The following RBFOX3 variants were observed in gnomAD, a reference collection of about 807,000 sequenced individuals.
RBFOX3 encodes RNA binding protein fox-1 homolog 3.
A neutral mutation model predicts 48.7 loss-of-function variants in RBFOX3; 17 were observed. That is an observed-to-expected ratio of 0.35 (90% CI 0.24 to 0.52). The LOEUF (loss-of-function observed/expected upper bound fraction) is 0.52. Among genes scored for constraint, RBFOX3 ranks in the 20% least tolerant of loss-of-function variants. RBFOX3 has a pLI of 0.94. For missense variants in RBFOX3, 382 were observed against 497.5 expected, an observed-to-expected ratio of 0.77 and a Z score of 2.21; for synonymous variants, 212 against 209.5, an observed-to-expected ratio of 1.01 and a Z score of -0.10.
chr17:79,407,975 G>A (rs995524327), intron 2 of RBFOX3, among the ~76,000 whole-genome samples: 1 of 152,204 alleles, frequency 6.6e-6, no homozygotes, highest in Non-Finnish European at 1.5e-5. Context: ...GAGCTGTGTC[G>A]AGCACGGAAC....
At chr17:79,656,681 G>GAA in the RBFOX3 span, among the ~76,000 whole-genome samples, 1,976 of 51,932 alleles carry the variant, frequency 0.038, 33 homozygotes, top group Middle Eastern at 0.078. Flanking sequence ...AAGAAGGAAG[G>GAA]AGGGAAGGAA....
intron 2 of RBFOX3, among the ~76,000 whole-genome samples, chr17:79,412,458 T>C (rs111174323): frequency 0.11 from 17,143 of 151,914 alleles, 1,033 homozygotes; most frequent in Non-Finnish European, 0.13. Context: ...GAGCGTATTG[T>C]GTATGTGTGT....
At chr17:79,229,230 CAAAAAAAAAAAAAAAAAAAAA>C (rs59934894) in intron 4 of RBFOX3, among the ~76,000 whole-genome samples, 5 of 33,714 alleles carry the variant, frequency 1.5e-4, no homozygotes, top group Non-Finnish European at 1.8e-4. Context: ...GAGACTCTGT[CAAAAAAAAAAAAAAAAAAAAA>C]AAAAAAAAAA....
chr17:79,115,551 G>C lies in RBFOX3; in HGVS notation c.165C>G (p.Pro55=). ...TGCTGGCCTCGGAGCCTGGCTGCTC[G>C]GGGTGGGTCTGTGCTGGTGTGTACA... ...MTLYTPAQTH[P]EQPGSEASTQ... is the part of the protein sequence containing the mutation. The change falls in exon 5 of 15, where the codon CCC becomes CCG. Residue 55 remains proline (P), a synonymous_variant. Coordinates refer to ENST00000693108, the MANE Select transcript of RBFOX3 (RefSeq NM_001350451.2). The C allele has an allele frequency of 7.5e-7, 1 of 1,335,658 alleles. No homozygotes were observed. The highest frequency in any genetic ancestry group is 9.6e-7 in the Non-Finnish European group (1 of 1,040,288). The allele number at this position is 1,335,658 out of a possible 1,614,324, so 82.7% of individuals were successfully genotyped here. A position where few individuals can be genotyped will look rare whatever the true frequency, so the allele number is the denominator to read the frequency against.
At chr17:79,483,227 G>A (rs749635285) in intron 1 of RBFOX3, among the ~76,000 whole-genome samples, 289 of 152,040 alleles carry the variant, frequency 1.9e-3, no homozygotes, top group Non-Finnish European at 3.6e-3. Flanking sequence ...CATGGGGGCC[G>A]TGCGCTCATA....
the RBFOX3 span, among the ~76,000 whole-genome samples, chr17:79,652,479 T>G: frequency 7.8e-6 from 1 of 127,644 alleles, no homozygotes; most frequent in African/African-American, 3.1e-5. Context: ...AGAAAGAGAG[T>G]GTGGGATAGG....
At chr17:79,555,420 G>A (rs1176299430) in intron 1 of RBFOX3, among the ~76,000 whole-genome samples, 12 of 125,432 alleles carry the variant, frequency 9.6e-5, no homozygotes, top group South Asian at 2.7e-4. Flanking sequence ...TTGTGGTGGT[G>A]GTGATGGTGG....
At chr17:79,340,723 A>G (rs1322342766) in intron 2 of RBFOX3, among the ~76,000 whole-genome samples, 2 of 150,564 alleles carry the variant, frequency 1.3e-5, no homozygotes, top group East Asian at 3.9e-4. Context: ...CCGATGAATG[A>G]AAAAAAAAAG....
chr17:79,169,689 G>T (rs113924027), intron 4 of RBFOX3, among the ~76,000 whole-genome samples: 4,232 of 152,292 alleles, frequency 0.028, 189 homozygotes, highest in African/African-American at 0.097. Flanking sequence ...GGCCGCACAC[G>T]GGTGGGCTGG....
At chr17:79,649,807 C>A in the RBFOX3 span, among the ~76,000 whole-genome samples, 1 of 152,166 alleles carries the variant, frequency 6.6e-6, no homozygotes, top group Non-Finnish European at 1.5e-5. Flanking sequence ...ATCTGCTTGG[C>A]TTCTGGGGAG....
At chr17:79,293,110 A>C (rs959025845) in intron 3 of RBFOX3, among the ~76,000 whole-genome samples, 2 of 152,182 alleles carry the variant, frequency 1.3e-5, no homozygotes, top group Admixed American at 1.3e-4. Context: ...TAGTTTTTCA[A>C]AGCCACTTAA....
chr17:79,144,819 G>A (rs1452308198), intron 4 of RBFOX3, among the ~76,000 whole-genome samples: 1 of 151,692 alleles, frequency 6.6e-6, no homozygotes, highest in Non-Finnish European at 1.5e-5. Context: ...AAGTGTAGAT[G>A]TGTCAGAGCT....
intron 2 of RBFOX3, among the ~76,000 whole-genome samples, chr17:79,415,041 C>A (rs369841008): frequency 1.3e-5 from 2 of 152,286 alleles, no homozygotes; most frequent in African/African-American, 2.4e-5. Flanking sequence ...GGTCCACATG[C>A]GGACAAAGAC....
intron 3 of RBFOX3, among the ~76,000 whole-genome samples, chr17:79,270,051 C>T (rs1044464722): frequency 1.1e-4 from 17 of 152,092 alleles, no homozygotes; most frequent in Non-Finnish European, 2.9e-5. Flanking sequence ...CTGCGAATCA[C>T]TCCCTTCCTC....
chr17:79,109,202 G>A (rs2078030378), intron 5 of RBFOX3, among the ~76,000 whole-genome samples: 1 of 152,222 alleles, frequency 6.6e-6, no homozygotes, highest in Non-Finnish European at 1.5e-5. Context: ...GAGCCCCCAG[G>A]CTTGGGCAAG....
chr17:79,137,700 G>A (rs1379435262), intron 4 of RBFOX3, among the ~76,000 whole-genome samples: 1 of 152,254 alleles, frequency 6.6e-6, no homozygotes, highest in Non-Finnish European at 1.5e-5. Context: ...TTTCCCGTTA[G>A]GCGCCTGGCT....
In RBFOX3 at chr17:79,361,278, G is replaced by C. The variant is rs1292684314; in HGVS notation, c.-174-53454C>G. Among the ~76,000 whole-genome samples, 1 of 152,160 alleles carries C rather than the reference G, an allele frequency of 6.6e-6. No homozygotes were observed. Among genetic ancestry groups the C allele is most frequent in the Admixed American group, 6.5e-5 (1 of 15,286 alleles). On this transcript the variant is annotated intron_variant, in intron 2 of 14. Transcript: ENST00000693108. This position sits in a 1 kb window ranked among gnomAD's most constrained non-coding sequence, Gnocchi z 4.5. The stretch of plus-strand genomic sequence containing the variant: ...CTGGCCTCTTCCCTCTCCCCAGGCT[G>C]CTGGTTGGCGCCTTGATCCATTTGC...
chr17:79,313,310 A>C (rs910440345), intron 2 of RBFOX3, among the ~76,000 whole-genome samples: 5 of 152,300 alleles, frequency 3.3e-5, no homozygotes, highest in Admixed American at 3.3e-4. Flanking sequence ...CAAAGATGGG[A>C]TGGATGTCCT....
rs549024442 is a variant in RBFOX3 at position 79,465,074 on chromosome 17, T to C, written c.-175+17380A>G. 2.6e-5 allele frequency among the ~76,000 whole-genome samples: 4 copies of C among 152,332 alleles called. No individual in the cohort carries two copies. In the East Asian group the frequency reaches 5.8e-4, roughly 22 times the overall value. ...CGAAGGCGAGGTGGAAGTGAAGGAC[T>C]GCAAACCCCGAGTTAAACCCTCTGA... On this transcript the variant is annotated intron_variant, in intron 2 of 14. Transcript: ENST00000693108.
Sources: allele counts gnomAD v4.1 joint callset (sites outside exome capture counted in the v4.1 genomes callset), GRCh38; gene constraint gnomAD v4.1.1; non-coding constraint Gnocchi (gnomAD v3.1); transcripts MANE v1.5; gene names NCBI Gene and HGNC (gene_info 2026-07-23, HGNC 2026-07-21).